The following TMEM114 variants were observed in gnomAD, a reference collection of about 807,000 sequenced individuals.
The protein encoded by TMEM114 is transmembrane protein 114.
A neutral mutation model predicts 6.2 loss-of-function variants in TMEM114; 6 were observed. The ratio of observed to expected loss-of-function variants is 0.97; its 90% CI spans 0.53 to 1.91. The LOEUF (loss-of-function observed/expected upper bound fraction) is 1.91. Among genes scored for constraint, TMEM114 ranks in the 40% most tolerant of loss-of-function variants. The pLI, the probability that TMEM114 is intolerant of heterozygous loss-of-function variation, is 0.01. For synonymous variants in TMEM114, 104 were observed against 73.0 expected (o/e 1.42, Z -2.16); for missense variants, 218 against 158.3 (o/e 1.38, Z -2.02).
At chr16:8,536,460 C>T (rs1334153858), downstream of TMEM114, among the ~76,000 whole-genome samples, 3 of 152,070 alleles carry the variant, frequency 2.0e-5, no homozygotes, top group Non-Finnish European at 4.4e-5. Context: ...AGGCTTGTAA[C>T]CTCGGTATCT....
At chr16:8,545,611 T>C (rs558789546) in intron 2 of TMEM114, among the ~76,000 whole-genome samples, 1 of 152,314 alleles carries the variant, frequency 6.6e-6, no homozygotes, top group Admixed American at 6.5e-5. Flanking sequence ...TCCCAGAGTT[T>C]CTAATTCAGT....
chr16:8,560,102 C>T (rs1480522684), intron 2 of TMEM114, among the ~76,000 whole-genome samples: 1 of 152,174 alleles, frequency 6.6e-6, no homozygotes, highest in African/African-American at 2.4e-5. Flanking sequence ...GCTCAATTCC[C>T]CCACCTCAGC....
chr16:8,552,991 C>T (rs1233291163), intron 2 of TMEM114, among the ~76,000 whole-genome samples: 1 of 152,224 alleles, frequency 6.6e-6, no homozygotes, highest in Non-Finnish European at 1.5e-5. Context: ...TATCCAGGTC[C>T]TTTGATGGCT....
At chr16:8,557,712 C>G (rs1217289875) in intron 2 of TMEM114, among the ~76,000 whole-genome samples, 1 of 152,186 alleles carries the variant, frequency 6.6e-6, no homozygotes, top group East Asian at 1.9e-4. Flanking sequence ...TGCCTCTGAG[C>G]CTCAATTTCC....
At chr16:8,589,344 G>A (rs1373749642) in intron 1 of TMEM114, 51 bp from the exon 2 acceptor site, 4 of 398,750 alleles carry the variant, frequency 1.0e-5, no homozygotes, top group African/African-American at 6.2e-5. Flanking sequence ...GTTCTGTGCA[G>A]CACCCTCGTC....
intron 2 of TMEM114, among the ~76,000 whole-genome samples, chr16:8,584,553 G>T (rs186437619): frequency 4.0e-4 from 61 of 152,298 alleles, no homozygotes; most frequent in African/African-American, 1.3e-3. Context: ...GACCTGATAT[G>T]TCTGCTCAAC....
intron 2 of TMEM114, among the ~76,000 whole-genome samples, chr16:8,583,775 A>C (rs988722897): frequency 6.6e-6 from 1 of 151,224 alleles, no homozygotes; most frequent in African/African-American, 2.4e-5. Context: ...CACAGCTAGC[A>C]AGAAGGCCAG....
intron 2 of TMEM114, among the ~76,000 whole-genome samples, chr16:8,579,578 C>A (rs754333907): frequency 2.6e-5 from 4 of 152,128 alleles, no homozygotes; most frequent in Admixed American, 2.6e-4. Context: ...GACGTGGGTT[C>A]AAATCCTGAC....
chr16:8,584,940 AAAG>A (rs1266319654), intron 2 of TMEM114, among the ~76,000 whole-genome samples: 11 of 146,758 alleles, frequency 7.5e-5, no homozygotes, highest in African/African-American at 2.2e-4. Flanking sequence ...AAAAAAAAAA[AAAG>A]AAGAAGAAGA....
At chr16:8,578,133 G>T (rs892047222) in intron 2 of TMEM114, among the ~76,000 whole-genome samples, 3 of 152,170 alleles carry the variant, frequency 2.0e-5, no homozygotes, top group African/African-American at 7.2e-5. Context: ...TAGGTGGGCA[G>T]TGGCGGTGGG....
intron 3 of TMEM114, among the ~76,000 whole-genome samples, chr16:8,570,854 C>T (rs560746913): frequency 1.3e-5 from 2 of 152,312 alleles, no homozygotes; most frequent in South Asian, 4.1e-4. Context: ...GTTAACAGCT[C>T]AGTCCCCCAT....
At chr16:8,564,499 G>C (rs1369445671) in intron 2 of TMEM114, among the ~76,000 whole-genome samples, 1 of 137,210 alleles carries the variant, frequency 7.3e-6, no homozygotes, top group African/African-American at 2.9e-5. Context: ...ATGAGTGAAT[G>C]AGTGAGTAAA....
At chr16:8,535,839 AT>A (rs1900340757), downstream of TMEM114, among the ~76,000 whole-genome samples, 1 of 152,216 alleles carries the variant, frequency 6.6e-6, no homozygotes, top group Admixed American at 6.5e-5. Context: ...GAGAATCACA[AT>A]ACCCATGTTT....
At chr16:8,543,081 AT>A (rs754105151) in intron 2 of TMEM114, among the ~76,000 whole-genome samples, 1 of 152,158 alleles carries the variant, frequency 6.6e-6, no homozygotes, top group Admixed American at 6.5e-5. Flanking sequence ...CTTTTAATTA[AT>A]TTTTCCCCCT....
downstream of TMEM114, among the ~76,000 whole-genome samples, chr16:8,565,138 T>C (rs1901497823): frequency 1.3e-5 from 2 of 152,102 alleles, no homozygotes; most frequent in African/African-American, 4.8e-5. Flanking sequence ...AGCAAATGGA[T>C]GGATAATGAT....
intron 2 of TMEM114, among the ~76,000 whole-genome samples, chr16:8,546,467 C>T (rs1431276535): frequency 1.3e-5 from 2 of 152,154 alleles, no homozygotes; most frequent in Non-Finnish European, 2.9e-5. Flanking sequence ...CAGCGACCAG[C>T]CCGGACATTA....
intron 2 of TMEM114, among the ~76,000 whole-genome samples, chr16:8,551,390 G>A (rs568926552): frequency 6.6e-6 from 1 of 152,248 alleles, no homozygotes; most frequent in East Asian, 1.9e-4. Context: ...AAGTGGCTTA[G>A]CCTACACTGT....
At chr16:8,535,631 T>C (rs74848638), downstream of TMEM114, among the ~76,000 whole-genome samples, 3,048 of 152,304 alleles carry the variant, frequency 0.02, 95 homozygotes, top group African/African-American at 0.068. Flanking sequence ...ATTTCCAAAC[T>C]GTAGGCACTG....
At chr16:8,529,759 A>G in the TMEM114 span, among the ~76,000 whole-genome samples, 11 of 152,206 alleles carry the variant, frequency 7.2e-5, no homozygotes, top group African/African-American at 2.6e-4. Context: ...TGATGTCTCA[A>G]GTCTCACCCC....
Sources: gnomAD v4.1 joint callset for allele counts (sites outside exome capture counted in the v4.1 genomes callset) on GRCh38, gnomAD v4.1.1 for gene constraint, MANE v1.5 for transcripts, NCBI Gene and HGNC (gene_info 2026-07-23, HGNC 2026-07-21) for gene names.